Variants in GLRA1 observed in about 807,000 individuals in gnomAD.
GLRA1 encodes the protein glycine receptor alpha 1, also known as glycine receptor subunit alpha-1.
Under a neutral mutation model 48.3 loss-of-function variants are expected in GLRA1, and 37 were observed. The ratio of observed to expected loss-of-function variants is 0.77; its 90% CI spans 0.59 to 1.01. The LOEUF (loss-of-function observed/expected upper bound fraction) is 1.01. Among genes scored for constraint, GLRA1 ranks in the 50% least tolerant of loss-of-function variants. GLRA1 has a pLI of 0.00. For synonymous variants in GLRA1, 196 were observed against 210.7 expected, an observed-to-expected ratio of 0.93 and a Z score of 0.60; for missense variants, 427 against 571.0, an observed-to-expected ratio of 0.75 and a Z score of 2.57.
chr5:151,881,260 C>T (rs1753753009), intron 3 of GLRA1, among the ~76,000 whole-genome samples: 1 of 152,026 alleles, frequency 6.6e-6, no homozygotes, highest in South Asian at 2.1e-4. Flanking sequence ...ACCAGAGGGG[C>T]TGCTCTAGAT....
chr5:151,824,779 G>C (rs1236177026), intron 8 of GLRA1, among the ~76,000 whole-genome samples: 1 of 151,990 alleles, frequency 6.6e-6, no homozygotes, highest in Non-Finnish European at 1.5e-5. Flanking sequence ...GTAATTTCTT[G>C]ATTAGCGTCT....
At position 151,851,480 on chromosome 5, in the gene GLRA1, C is replaced by G; in HGVS notation, c.822G>C (p.Met274Ile). The stretch of plus-strand genomic sequence containing the variant: ...GGCCCACACGAGCAGGTGCAGCATC[C>G]ATGTTGATCCAGAAGGAGATCCATG... ...ILSWISFWIN[M>I]DAAPARVGLG... The change falls in exon 7 of 9, where the codon ATG becomes ATC. Residue 274 changes from methionine (M) to isoleucine (I), a missense_variant. By Grantham distance (10) the Met-to-Ile change is conservative (BLOSUM62 1). Coordinates refer to ENST00000274576, the MANE Select transcript of GLRA1 (RefSeq NM_000171.4). The G allele has an allele frequency of 6.2e-7, 1 of 1,613,964 alleles. No individual in the cohort carries two copies. The highest frequency in any genetic ancestry group is 8.5e-7 in the Non-Finnish European group (1 of 1,179,894).
At chr5:151,849,016 C>G (rs1360371225) in intron 7 of GLRA1, 3 of 654,638 alleles carry the variant, frequency 4.6e-6, no homozygotes, top group African/African-American at 3.6e-5. Flanking sequence ...GCTGCAAGAC[C>G]CAGACTCTGG....
chr5:151,832,352 C>T (rs775651433), intron 7 of GLRA1, among the ~76,000 whole-genome samples: 36 of 152,270 alleles, frequency 2.4e-4, no homozygotes, highest in Admixed American at 5.2e-4. Flanking sequence ...GCAAACTCCT[C>T]CAAGCTAAAG....
In GLRA1 at chr5:151,856,953, TG is replaced by T. The variant is rs1753062500; in HGVS notation, c.477-571del. Among the ~76,000 whole-genome samples the T allele has an allele frequency of 4.6e-5, 7 of 152,330 alleles. No homozygotes were observed. The South Asian group carries it at 1.5e-3, about 32-fold the overall frequency. On this transcript the variant is annotated intron_variant, in intron 4 of 8. Transcript: ENST00000274576. ...CAAGGAGTTCTGGCAGGAAGCATGG[TG>T]GGAAGCAGAGTGCAGTCAGCTGCTT... is the stretch of plus-strand genomic sequence containing the variant.
intron 3 of GLRA1, among the ~76,000 whole-genome samples, chr5:151,879,202 T>C (rs935241835): frequency 3.9e-5 from 6 of 152,268 alleles, no homozygotes; most frequent in Non-Finnish European, 7.3e-5. Context: ...AAGACTTGAC[T>C]GTCCTACTGG....
chr5:151,880,619 C>T (rs1753738416), intron 3 of GLRA1, among the ~76,000 whole-genome samples: 1 of 152,080 alleles, frequency 6.6e-6, no homozygotes, highest in South Asian at 2.1e-4. Flanking sequence ...CTCACTCTGT[C>T]TCTCTCTCTC....
intron 6 of GLRA1, among the ~76,000 whole-genome samples, 192 bp downstream of exon 6, chr5:151,854,848 C>A (rs1176029834): frequency 6.6e-6 from 1 of 152,176 alleles, no homozygotes; most frequent in Admixed American, 6.5e-5. Context: ...TTAGGTATGG[C>A]CCAAGCTTAA....
At chr5:151,876,810 C>T (rs1327875296) in intron 3 of GLRA1, among the ~76,000 whole-genome samples, 1 of 152,118 alleles carries the variant, frequency 6.6e-6, no homozygotes, top group Non-Finnish European at 1.5e-5. Context: ...CCCTAACCCC[C>T]AGAGTGACTA....
At chr5:151,918,383 G>A (rs762793416) in intron 1 of GLRA1, among the ~76,000 whole-genome samples, 4 of 152,206 alleles carry the variant, frequency 2.6e-5, no homozygotes, top group Non-Finnish European at 5.9e-5. Flanking sequence ...GGCCTTGTCC[G>A]TGGACAAGTG....
At chr5:151,845,355 T>G (rs1028949936) in intron 7 of GLRA1, among the ~76,000 whole-genome samples, 1 of 152,184 alleles carries the variant, frequency 6.6e-6, no homozygotes, top group Non-Finnish European at 1.5e-5. Context: ...CATAAAGAAC[T>G]ATTACAACTC....
chr5:151,856,264 C>T (rs765253618), intron 5 of GLRA1, 37 bp downstream of exon 5: 2 of 1,411,006 alleles, frequency 1.4e-6, no homozygotes, highest in East Asian at 4.6e-5. Context: ...TAAAAAGGAG[C>T]CTGGTTCTTT....
chr5:151,855,464 C>G (rs940213631), intron 5 of GLRA1, among the ~76,000 whole-genome samples: 1 of 152,190 alleles, frequency 6.6e-6, no homozygotes, highest in Non-Finnish European at 1.5e-5. Flanking sequence ...TTTTCACCTG[C>G]ACACCATCCT....
At chr5:151,875,237 A>C (rs2913887) in intron 3 of GLRA1, among the ~76,000 whole-genome samples, 150,970 of 152,254 alleles carry the variant, frequency 0.99, 74,861 homozygotes, top group Middle Eastern at 1. Context: ...GTGGCACAAT[A>C]ATAGCTCACT....
chr5:151,859,341 G>C (rs564103314), intron 4 of GLRA1, among the ~76,000 whole-genome samples: 1 of 152,296 alleles, frequency 6.6e-6, no homozygotes, highest in African/African-American at 2.4e-5. Flanking sequence ...CAAAGTTTGG[G>C]GGATAGATTT....
intron 7 of GLRA1, among the ~76,000 whole-genome samples, chr5:151,845,627 T>C (rs907064703): frequency 6.6e-6 from 1 of 152,198 alleles, no homozygotes; most frequent in African/African-American, 2.4e-5. Context: ...GATCATAAAA[T>C]GGTATAGCTG....
intron 1 of GLRA1, among the ~76,000 whole-genome samples, chr5:151,913,936 A>G (rs1462538974): frequency 1.3e-5 from 2 of 152,220 alleles, no homozygotes; most frequent in Non-Finnish European, 2.9e-5. Context: ...ATGTTATTAA[A>G]ACCATTTAGG....
At position 151,850,875 on chromosome 5, in the gene GLRA1, T is replaced by C. The variant is rs186628685; in HGVS notation, c.912+515A>G. The C allele has an allele frequency of 9.7e-4, 616 of 632,712 alleles. 14 individuals carry two copies. In the East Asian group the frequency reaches 0.014, roughly 14 times the overall value. 39.2% of individuals were successfully genotyped at this position (632,712 alleles called of 1,614,324 possible). A position where few individuals can be genotyped will look rare whatever the true frequency, so the allele number is the denominator to read the frequency against. Reference sequence around the variant, plus strand: ...CTTCCCCCTCTCCCAATTGTCCCAATTGCAACTCAAAGGGTGGAATATAAA... The same window carrying C: ...CTTCCCCCTCTCCCAATTGTCCCAACTGCAACTCAAAGGGTGGAATATAAA... On this transcript the variant is annotated intron_variant, in intron 7 of 8. Coordinates refer to ENST00000274576, the MANE Select transcript of GLRA1 (RefSeq NM_000171.4).
In GLRA1 at chr5:151,849,500, T is replaced by C. The variant is rs373469152; in HGVS notation, c.912+1890A>G. ...CCTTCCTTCCTTCCTTCCTTTCTTT[T>C]CTTTCTTTCTTTCTTTCTTTTTTTC... On this transcript the variant is annotated intron_variant, in intron 7 of 8. Coordinates refer to ENST00000274576, the MANE Select transcript of GLRA1 (RefSeq NM_000171.4). Among the ~76,000 whole-genome samples the C allele has an allele frequency of 2.5e-3, 106 of 43,136 alleles. 16 individuals are homozygous for C. Among genetic ancestry groups the C allele is most frequent in the African/African-American group, 4.7e-3 (35 of 7,460 alleles). 28.3% of individuals were successfully genotyped at this position (43,136 alleles called of 152,430 possible). A position where few individuals can be genotyped will look rare whatever the true frequency, so the allele number is the denominator to read the frequency against.
Sources: allele counts gnomAD v4.1 joint callset (sites outside exome capture counted in the v4.1 genomes callset), GRCh38; gene constraint gnomAD v4.1.1; transcripts MANE v1.5; gene names NCBI Gene and HGNC (gene_info 2026-07-23, HGNC 2026-07-21).